Variants in CSMD1 observed in about 807,000 individuals in gnomAD.
CSMD1 encodes CUB and Sushi multiple domains 1.
CSMD1 carries 213 observed loss-of-function variants against 417.5 expected under a neutral mutation model. The ratio of observed to expected loss-of-function variants is 0.51; its 90% CI spans 0.46 to 0.57. The LOEUF is 0.57. CSMD1 is among the 20% of genes least tolerant of loss of function. CSMD1 has a pLI of 0.00. For synonymous variants in CSMD1, 2,862 were observed against 1,736.8 expected (o/e 1.65, Z -16.11); for missense variants, 6,923 against 4,529.7 (o/e 1.53, Z -15.17).
At chr8:3,358,904 C>G (rs975369015) in intron 21 of CSMD1, among the ~76,000 whole-genome samples, 2 of 152,034 alleles carry the variant, frequency 1.3e-5, no homozygotes, top group African/African-American at 4.8e-5. Context: ...TTGACACATG[C>G]TTTGGTTTCA....
intron 12 of CSMD1, 64 bp from the exon 13 acceptor site, chr8:3,409,669 A>G: frequency 7.6e-7 from 1 of 1,320,116 alleles, no homozygotes; most frequent in Non-Finnish European, 1.0e-6. Context: ...TTATCTCTAC[A>G]ACTTAGAAAG....
rs1247595275 is a variant in CSMD1, at chr8:3,488,584, G to A, written c.1448+5039C>T. 5.3e-5 allele frequency among the ~76,000 whole-genome samples: 8 copies of A among 152,128 alleles called. No homozygotes were observed. The South Asian group carries it at 1.5e-3, about 28-fold the overall frequency. On this transcript the variant is annotated intron_variant, in intron 11 of 69. Coordinates refer to ENST00000635120, the MANE Select transcript of CSMD1 (RefSeq NM_033225.6). ...AATTATATGAAATGTATATCAGTAG[G>A]CTAATTCCTCCTCAAGGCTAGGACA...
At chr8:3,775,829 C>T (rs1224076732) in intron 5 of CSMD1, among the ~76,000 whole-genome samples, 2 of 152,208 alleles carry the variant, frequency 1.3e-5, no homozygotes, top group Non-Finnish European at 2.9e-5. Flanking sequence ...TTGCTTTCCG[C>T]CAACGCGCAG....
intron 54 of CSMD1, among the ~76,000 whole-genome samples, chr8:2,979,492 A>T (rs1372914623): frequency 6.6e-6 from 1 of 152,170 alleles, no homozygotes; most frequent in Non-Finnish European, 1.5e-5. Context: ...GGTGCAGAGG[A>T]AAAGAAAGAA....
chr8:4,203,036 G>A (rs138745484), intron 3 of CSMD1, among the ~76,000 whole-genome samples: 12 of 152,310 alleles, frequency 7.9e-5, no homozygotes, highest in South Asian at 2.1e-4. Flanking sequence ...TACCTGCTGA[G>A]AGGATTTGAC....
chr8:4,332,394 G>A (rs1799915571), intron 3 of CSMD1, among the ~76,000 whole-genome samples: 1 of 152,084 alleles, frequency 6.6e-6, no homozygotes, highest in Non-Finnish European at 1.5e-5. Context: ...CCATGCGGCA[G>A]GAGGATAGTA....
chr8:3,466,058 G>A (rs1310876290), intron 12 of CSMD1, among the ~76,000 whole-genome samples: 1 of 152,112 alleles, frequency 6.6e-6, no homozygotes, highest in Non-Finnish European at 1.5e-5. Flanking sequence ...CATCATGTTT[G>A]TAGAAAAAAT....
chr8:3,906,824 A>G (rs1251716149), intron 5 of CSMD1, among the ~76,000 whole-genome samples: 2 of 152,206 alleles, frequency 1.3e-5, no homozygotes, highest in Admixed American at 6.5e-5. Flanking sequence ...ACATAGGCAT[A>G]TATCAAGAAG....
At chr8:4,702,461 T>C (rs924167725) in intron 1 of CSMD1, among the ~76,000 whole-genome samples, 2 of 152,164 alleles carry the variant, frequency 1.3e-5, no homozygotes, top group Non-Finnish European at 2.9e-5. Context: ...ACATTCTAAA[T>C]AGTCCCCTTC....
chr8:3,746,317 C>T lies in CSMD1; in HGVS notation c.931+7613G>A, dbSNP rs76061199. Among the ~76,000 whole-genome samples, 1,000 of 152,296 alleles carry T rather than the reference C, an allele frequency of 6.6e-3. 12 individuals carry two copies. Among genetic ancestry groups the T allele is most frequent in the Middle Eastern group, 0.034 (10 of 294 alleles). ...GAACTTTATTCTTGAAGCATAAGAA[C>T]TTAAAATCTACCAGTCACTGCCAAG... On this transcript the variant is annotated intron_variant, in intron 6 of 69. Transcript: ENST00000635120.
chr8:3,287,549 A>C (rs527258700), intron 25 of CSMD1, among the ~76,000 whole-genome samples: 1,498 of 143,160 alleles, frequency 0.01, 70 homozygotes, highest in Admixed American at 0.08. Flanking sequence ...TAGGTATTTT[A>C]TTCTCTTTGA....
At chr8:3,140,059 T>C (rs1400179285) in intron 41 of CSMD1, among the ~76,000 whole-genome samples, 1 of 151,998 alleles carries the variant, frequency 6.6e-6, no homozygotes, top group Non-Finnish European at 1.5e-5. Flanking sequence ...CCTGCCATCA[T>C]GTGCCGGCTA....
intron 23 of CSMD1, among the ~76,000 whole-genome samples, chr8:3,310,268 C>T (rs1805222723): frequency 6.6e-6 from 1 of 152,176 alleles, no homozygotes; most frequent in Admixed American, 6.5e-5. Flanking sequence ...ACAGATTATT[C>T]AGTGCTCATT....
intron 5 of CSMD1, among the ~76,000 whole-genome samples, chr8:3,934,804 G>A (rs566271432): frequency 9.2e-5 from 14 of 152,098 alleles, no homozygotes; most frequent in East Asian, 3.9e-4. Flanking sequence ...CCAAAATCAC[G>A]CCACTGCACT....
chr8:3,658,097 G>A (rs10105578), intron 7 of CSMD1, among the ~76,000 whole-genome samples: 52,027 of 151,944 alleles, frequency 0.34, 9,686 homozygotes, highest in Admixed American at 0.42. Flanking sequence ...CACAATGCTA[G>A]CAACATTATT....
intron 1 of CSMD1, among the ~76,000 whole-genome samples, chr8:4,640,118 A>C (rs1204070256): frequency 6.6e-6 from 1 of 152,230 alleles, no homozygotes; most frequent in Non-Finnish European, 1.5e-5. Flanking sequence ...AGATGAACAG[A>C]TATGAAGATT....
At chr8:4,566,642 G>T (rs1340828218) in intron 2 of CSMD1, among the ~76,000 whole-genome samples, 2 of 103,764 alleles carry the variant, frequency 1.9e-5, no homozygotes, top group East Asian at 3.2e-4. Context: ...GACAGAGGGA[G>T]ACTCTGACTC....
chr8:3,770,057 G>A (rs548495104), intron 5 of CSMD1, among the ~76,000 whole-genome samples: 4 of 152,148 alleles, frequency 2.6e-5, no homozygotes, highest in Non-Finnish European at 5.9e-5. Flanking sequence ...CCTGATCAGG[G>A]AAGGCTTGCG....
At chr8:4,008,727 C>T (rs1429121265) in intron 4 of CSMD1, among the ~76,000 whole-genome samples, 3 of 150,114 alleles carry the variant, frequency 2.0e-5, no homozygotes, top group African/African-American at 7.4e-5. Context: ...TCTCCTGCCT[C>T]AGCCTCCTGA....
Sources: gnomAD v4.1 joint callset for allele counts (sites outside exome capture counted in the v4.1 genomes callset) on GRCh38, gnomAD v4.1.1 for gene constraint, MANE v1.5 for transcripts, NCBI Gene and HGNC (gene_info 2026-07-23, HGNC 2026-07-21) for gene names.